TNNI3K: variants seen among roughly 807,000 people sequenced by gnomAD.
The protein encoded by TNNI3K is serine/threonine-protein kinase TNNI3K.
A neutral mutation model predicts 114.5 loss-of-function variants in TNNI3K; 140 were observed. The ratio of observed to expected loss-of-function variants is 1.22; its 90% CI spans 1.07 to 1.41. The LOEUF is 1.41. Ranked by LOEUF, TNNI3K falls within the 40% of genes most tolerant of loss-of-function variation. The probability of loss-of-function intolerance (pLI) is 0.00; values close to 1 mark genes in which losing one functional copy is unlikely to be tolerated. For synonymous variants in TNNI3K, 347 were observed against 347.5 expected (o/e 1.00, Z 0.02); for missense variants, 1,125 against 1,007.6 (o/e 1.12, Z -1.58).
intron 21 of TNNI3K, among the ~76,000 whole-genome samples, chr1:74,473,334 T>C (rs1668029931): frequency 6.6e-6 from 1 of 152,098 alleles, no homozygotes; most frequent in Non-Finnish European, 1.5e-5. Context: ...CAAGTCTATC[T>C]GACATTAAAC....
At chr1:74,344,747 G>A (rs998920839) in intron 9 of TNNI3K, among the ~76,000 whole-genome samples, 1 of 152,098 alleles carries the variant, frequency 6.6e-6, no homozygotes, top group African/African-American at 2.4e-5. Context: ...TATATGAGAA[G>A]ATTTGTAAAG....
intron 5 of TNNI3K, among the ~76,000 whole-genome samples, chr1:74,287,685 G>C (rs1657417103): frequency 6.6e-6 from 1 of 152,014 alleles, no homozygotes; most frequent in African/African-American, 2.4e-5. Flanking sequence ...ATGATTTCTT[G>C]GCTATGACCT....
At chr1:74,407,819 T>C (rs1225141911) in intron 17 of TNNI3K, among the ~76,000 whole-genome samples, 7 of 152,158 alleles carry the variant, frequency 4.6e-5, no homozygotes, top group Admixed American at 3.9e-4. Flanking sequence ...CAAAGTGATG[T>C]AAGGGGATAC....
intron 4 of TNNI3K, among the ~76,000 whole-genome samples, chr1:74,256,856 G>T (rs911325694): frequency 1.3e-5 from 2 of 152,004 alleles, no homozygotes; most frequent in Non-Finnish European, 2.9e-5. Context: ...ATCTTTTAAA[G>T]AAATTAATAA....
At chr1:74,495,137 T>C (rs1271591420) in intron 23 of TNNI3K, among the ~76,000 whole-genome samples, 1 of 152,198 alleles carries the variant, frequency 6.6e-6, no homozygotes, top group Non-Finnish European at 1.5e-5. Context: ...TTCCTGACTG[T>C]TATGGAACTC....
intron 9 of TNNI3K, 150 bp from the exon 10 acceptor site, chr1:74,353,116 T>G (rs1661463357): frequency 2.4e-6 from 2 of 828,884 alleles, no homozygotes; most frequent in Non-Finnish European, 3.7e-6. Context: ...AAGTACCTCT[T>G]TAAAGATACA....
intron 5 of TNNI3K, among the ~76,000 whole-genome samples, chr1:74,321,591 A>G (rs1428259289): frequency 6.6e-6 from 1 of 151,828 alleles, no homozygotes. Flanking sequence ...TGCTAAATTT[A>G]TATAACTGAT....
chr1:74,265,831 C>T (rs183612399), intron 4 of TNNI3K, among the ~76,000 whole-genome samples: 9 of 152,052 alleles, frequency 5.9e-5, no homozygotes, highest in Non-Finnish European at 1.0e-4. Context: ...TATTGAAACA[C>T]GAGTTTGCTT....
At chr1:74,520,654 A>G (rs1001932262) in intron 23 of TNNI3K, among the ~76,000 whole-genome samples, 1 of 152,082 alleles carries the variant, frequency 6.6e-6, no homozygotes, top group Non-Finnish European at 1.5e-5. Context: ...TTTAAATATT[A>G]ACTGTATGGT....
At position 74,524,665 on chromosome 1, in the gene TNNI3K, A is replaced by ATAG. The variant is rs1646478993; in HGVS notation, c.2352-15569_2352-15568insTAG. 6.0e-5 allele frequency among the ~76,000 whole-genome samples: 3 copies of ATAG among 50,206 alleles called. No homozygotes were observed. The Admixed American group carries it at 8.8e-4, about 15-fold the overall frequency. The allele number at this position is 50,206 out of a possible 152,430, so 32.9% of individuals were successfully genotyped here. ...GCTTTTACTTTTAGGTTCTGGAGAT[A>ATAG]CAGCAGCAAATAAAACACAGAAAAT... On this transcript the variant is annotated intron_variant, in intron 23 of 24. Coordinates refer to ENST00000326637, the MANE Select transcript of TNNI3K (RefSeq NM_015978.3).
chr1:74,537,114 A>G (rs1020496970), intron 23 of TNNI3K, among the ~76,000 whole-genome samples: 13 of 152,194 alleles, frequency 8.5e-5, no homozygotes, highest in Admixed American at 2.0e-4. Flanking sequence ...CATGGATTGC[A>G]TTTAGCAACT....
intron 5 of TNNI3K, among the ~76,000 whole-genome samples, chr1:74,318,744 C>G (rs917324927): frequency 1.3e-5 from 2 of 152,188 alleles, no homozygotes; most frequent in African/African-American, 4.8e-5. Context: ...TATTTTGTTT[C>G]TTCCACTAAC....
At chr1:74,502,475 A>T (rs1669681833) in intron 23 of TNNI3K, among the ~76,000 whole-genome samples, 1 of 152,206 alleles carries the variant, frequency 6.6e-6, no homozygotes, top group Admixed American at 6.5e-5. Context: ...TCATAATTTA[A>T]TTTGGGCCTG....
At chr1:74,239,981 T>C in intron 2 of TNNI3K, 1 of 470,016 alleles carries the variant, frequency 2.1e-6, no homozygotes, top group Non-Finnish European at 4.4e-6. Context: ...CAGGAAGAAA[T>C]GAAGAAAAAG....
chr1:74,447,220 G>A (rs994697091), intron 20 of TNNI3K, among the ~76,000 whole-genome samples: 1 of 150,052 alleles, frequency 6.7e-6, no homozygotes, highest in African/African-American at 2.5e-5. Flanking sequence ...ATTTCTTTGA[G>A]CAGTGGTTTG....
chr1:74,324,084 G>A lies in TNNI3K; in HGVS notation c.445-7366G>A, dbSNP rs536288641. 3.1e-4 allele frequency among the ~76,000 whole-genome samples: 47 copies of A among 152,324 alleles called. No homozygotes were observed. The South Asian group carries it at 9.3e-3, about 30-fold the overall frequency. ...TGGTCTTGAGGTCTCCCTCACAAGA[G>A]GACTATAAATATTAGTCCTGCCCTG... On this transcript the variant is annotated intron_variant, in intron 5 of 24. Transcript: ENST00000326637.
intron 21 of TNNI3K, 38 bp from the exon 22 acceptor site, chr1:74,489,151 T>G: frequency 6.3e-7 from 1 of 1,583,808 alleles, no homozygotes; most frequent in Admixed American, 1.8e-5. Flanking sequence ...TCCTTCCTTT[T>G]ATTCTTAAGG....
At chr1:74,472,663 G>A (rs780895725) in intron 21 of TNNI3K, among the ~76,000 whole-genome samples, 10 of 151,892 alleles carry the variant, frequency 6.6e-5, no homozygotes, top group Non-Finnish European at 1.5e-4. Context: ...ACAATGAAAG[G>A]GAAATACTTG....
At chr1:74,453,533 C>A (rs1353591693) in intron 20 of TNNI3K, among the ~76,000 whole-genome samples, 1 of 152,086 alleles carries the variant, frequency 6.6e-6, no homozygotes. Flanking sequence ...AGGACTCATC[C>A]TTCTGGATTT....
Sources: allele counts gnomAD v4.1 joint callset (sites outside exome capture counted in the v4.1 genomes callset), GRCh38; gene constraint gnomAD v4.1.1; transcripts MANE v1.5; gene names NCBI Gene and HGNC (gene_info 2026-07-23, HGNC 2026-07-21).